Variants in MKLN1 observed in about 807,000 individuals in gnomAD.
MKLN1 encodes muskelin.
MKLN1 carries 18 observed loss-of-function variants against 99.0 expected under a neutral mutation model. The ratio of observed to expected loss-of-function variants is 0.18; its 90% CI spans 0.13 to 0.27. The LOEUF is 0.27. MKLN1 is among the 10% of genes least tolerant of loss of function. The pLI is 1.00. For missense variants in MKLN1, 621 were observed against 875.9 expected, an observed-to-expected ratio of 0.71 and a Z score of 3.67; for synonymous variants, 288 against 293.2, an observed-to-expected ratio of 0.98 and a Z score of 0.18.
chr7:131,205,656 G>A (rs980360675), intron 3 of MKLN1, among the ~76,000 whole-genome samples: 5 of 152,096 alleles, frequency 3.3e-5, no homozygotes, highest in Non-Finnish European at 7.4e-5. Context: ...GGAAGACTCT[G>A]CTTCCAAGCC....
At chr7:131,148,973 T>C (rs1795852122) in intron 2 of MKLN1, among the ~76,000 whole-genome samples, 1 of 152,224 alleles carries the variant, frequency 6.6e-6, no homozygotes, top group South Asian at 2.1e-4. Context: ...GTCTTTAAAA[T>C]GGCCATCTCT....
At position 131,327,929 on chromosome 7, in the gene MKLN1, G is replaced by T; in HGVS notation, c.30G>T (p.Ala10=). MAAGGAVAA[A]PECRLLPYAL... The stretch of plus-strand genomic sequence containing the variant: ...CGGCTGGCGGAGCTGTCGCTGCGGC[G>T]CCCGAGTGCCGGCTTCTCCCCTACG... The change falls in exon 1 of 18, where the codon GCG becomes GCT. Residue 10 remains alanine, a synonymous_variant. Coordinates refer to ENST00000352689, the MANE Select transcript of MKLN1 (RefSeq NM_013255.5). 6.2e-7 allele frequency: 1 copy of T among 1,613,166 alleles called. No homozygotes were observed. The highest frequency in any genetic ancestry group is 8.5e-7 in the Non-Finnish European group (1 of 1,179,806).
chr7:131,218,660 T>C (rs544026803), intron 3 of MKLN1, among the ~76,000 whole-genome samples: 1 of 152,292 alleles, frequency 6.6e-6, no homozygotes. Flanking sequence ...TATTATTCAG[T>C]CTTAAAAAGA....
In MKLN1 at chr7:131,490,508, T is replaced by C. The variant is rs1797398495; in HGVS notation, c.*2780T>C. On this transcript the variant is annotated 3_prime_UTR_variant, in exon 18 of 18. Coordinates refer to ENST00000352689, the MANE Select transcript of MKLN1 (RefSeq NM_013255.5). ...GACCTCATGTGGCCAGTTTGATTGA[T>C]TGAAGAATGTATCACTCTTATTCAA... 2 of 152,604 alleles carry C rather than the reference T, an allele frequency of 1.3e-5. No homozygotes were observed. Among genetic ancestry groups the C allele is most frequent in the Admixed American group, 1.3e-4 (2 of 15,276 alleles). The allele number at this position is 152,604 out of a possible 1,614,324, so 9.5% of individuals were successfully genotyped here. A position where few individuals can be genotyped will look rare whatever the true frequency, so the allele number is the denominator to read the frequency against.
Position 131,212,649 on chromosome 7 carries a change from C to A in MKLN1, c.-179+9675C>A, listed in dbSNP as rs898318871. 2.0e-5 allele frequency among the ~76,000 whole-genome samples: 3 copies of A among 152,252 alleles called. No homozygotes were observed. In the East Asian group the frequency reaches 5.8e-4, roughly 29 times the overall value. On this transcript the variant is annotated intron_variant, in intron 3 of 7. Coordinates refer to the MKLN1 transcript ENST00000416992. ...GTGTAAAACAGCTACCTTAGCTGGG[C>A]GCAGTGGCTCACGCCTGTAATCCCA...
At chr7:131,405,707 T>C (rs987294079) in intron 6 of MKLN1, among the ~76,000 whole-genome samples, 9 of 152,160 alleles carry the variant, frequency 5.9e-5, no homozygotes, top group African/African-American at 2.2e-4. Flanking sequence ...TGGTTTTTAA[T>C]TTACAAATTT....
intron 2 of MKLN1, among the ~76,000 whole-genome samples, chr7:131,379,152 A>G (rs540122357): frequency 6.6e-6 from 1 of 152,330 alleles, no homozygotes; most frequent in African/African-American, 2.4e-5. Flanking sequence ...GTGGATGAAT[A>G]GTACATTTAA....
chr7:131,273,521 C>T (rs1797917770), intron 3 of MKLN1, among the ~76,000 whole-genome samples: 3 of 152,124 alleles, frequency 2.0e-5, no homozygotes, highest in Admixed American at 6.6e-5. Flanking sequence ...TTTGTTGGCT[C>T]GCAAAGAGGG....
intron 2 of MKLN1, among the ~76,000 whole-genome samples, chr7:131,377,041 A>G (rs991133584): frequency 6.6e-6 from 1 of 152,114 alleles, no homozygotes; most frequent in African/African-American, 2.4e-5. Context: ...CCTGTGTATA[A>G]ATATGCCAAA....
intron 3 of MKLN1, among the ~76,000 whole-genome samples, chr7:131,319,621 AG>A (rs1442383524): frequency 4.6e-5 from 7 of 152,202 alleles, no homozygotes; most frequent in African/African-American, 1.2e-4. Context: ...AAAGAAATAA[AG>A]GGTATTCAAA....
At chr7:131,189,561 A>G (rs947247717) in intron 2 of MKLN1, among the ~76,000 whole-genome samples, 1 of 151,720 alleles carries the variant, frequency 6.6e-6, no homozygotes, top group Non-Finnish European at 1.5e-5. Flanking sequence ...AAACTCCCAA[A>G]CCACCCAGAC....
chr7:131,475,234 G>A (rs939387578), intron 16 of MKLN1, among the ~76,000 whole-genome samples: 12 of 152,096 alleles, frequency 7.9e-5, no homozygotes, highest in Non-Finnish European at 1.5e-5. Context: ...AAACTTCATT[G>A]ACAAGCCGCA....
rs190646121 is a variant in MKLN1 at position 131,480,576 on chromosome 7, T to C, written c.2086+1899T>C. 5.9e-5 allele frequency among the ~76,000 whole-genome samples: 9 copies of C among 152,310 alleles called. No homozygotes were observed. In the East Asian group the frequency reaches 1.7e-3, roughly 29 times the overall value. On this transcript the variant is annotated intron_variant, in intron 17 of 17. Coordinates refer to ENST00000352689, the MANE Select transcript of MKLN1 (RefSeq NM_013255.5). Reference sequence around the variant, plus strand: ...CAGGACTAGACTGAGCAGACTGCTATAAACGTGACTCCAGAAGGTTCTCCT... The same window carrying C: ...CAGGACTAGACTGAGCAGACTGCTACAAACGTGACTCCAGAAGGTTCTCCT...
At chr7:131,233,373 A>T (rs867045886) in intron 3 of MKLN1, among the ~76,000 whole-genome samples, 13 of 142,520 alleles carry the variant, frequency 9.1e-5, no homozygotes, top group Middle Eastern at 3.5e-3. Context: ...CTGTCTCCAA[A>T]AAATAAATAA....
At chr7:131,375,960 T>C (rs1793633280) in intron 2 of MKLN1, among the ~76,000 whole-genome samples, 2 of 150,382 alleles carry the variant, frequency 1.3e-5, no homozygotes, top group Non-Finnish European at 3.0e-5. Context: ...TTCAGTTATA[T>C]GCGTTCAGCA....
intron 1 of MKLN1, among the ~76,000 whole-genome samples, chr7:131,339,510 C>G (rs1378200177): frequency 6.6e-6 from 1 of 151,936 alleles, no homozygotes; most frequent in Non-Finnish European, 1.5e-5. Flanking sequence ...TTCAGCCTGG[C>G]CAACATAGTG....
intron 5 of MKLN1, among the ~76,000 whole-genome samples, chr7:131,397,992 A>G (rs1051683746): frequency 8.5e-5 from 13 of 152,206 alleles, no homozygotes; most frequent in African/African-American, 2.9e-4. Context: ...TTAATTAATT[A>G]TAGTTAATTA....
At chr7:131,450,875 CTG>C (rs1796158181) in intron 12 of MKLN1, among the ~76,000 whole-genome samples, 1 of 152,192 alleles carries the variant, frequency 6.6e-6, no homozygotes, top group African/African-American at 2.4e-5. Context: ...AAAATCTTGA[CTG>C]TGCTTTTCAA....
At chr7:131,470,997 C>G (rs184607367) in intron 16 of MKLN1, 53 bp downstream of exon 16, 1 of 1,268,692 alleles carries the variant, frequency 7.9e-7, no homozygotes, top group Non-Finnish European at 1.1e-6. Context: ...AAATGTCTTC[C>G]TAACTTATAT....
Sources: gnomAD v4.1 joint callset for allele counts (sites outside exome capture counted in the v4.1 genomes callset) on GRCh38, gnomAD v4.1.1 for gene constraint, MANE v1.5 for transcripts, NCBI Gene and HGNC (gene_info 2026-07-23, HGNC 2026-07-21) for gene names.